Variants in CLSTN2 observed in about 807,000 individuals in gnomAD.
CLSTN2 encodes calsyntenin 2.
In CLSTN2, 48 loss-of-function variants were observed where a neutral mutation model predicts 101.2. The ratio of observed to expected loss-of-function variants is 0.47; its 90% CI spans 0.38 to 0.60. CLSTN2 has a LOEUF of 0.60. Among genes scored for constraint, CLSTN2 ranks in the 20% least tolerant of loss-of-function variants. CLSTN2 has a pLI of 0.00. For synonymous variants in CLSTN2, 481 were observed against 463.6 expected (o/e 1.04, Z -0.48); for missense variants, 1,160 against 1,238.2 (o/e 0.94, Z 0.95).
intron 1 of CLSTN2, among the ~76,000 whole-genome samples, chr3:139,969,585 C>G (rs1935659628): frequency 6.6e-6 from 1 of 152,234 alleles, no homozygotes; most frequent in South Asian, 2.1e-4. Context: ...ACCCACCTGT[C>G]TTTCTAGCCC....
At chr3:140,217,494 TCACCA>T (rs1314139199) in intron 2 of CLSTN2, among the ~76,000 whole-genome samples, 1 of 152,194 alleles carries the variant, frequency 6.6e-6, no homozygotes, top group Non-Finnish European at 1.5e-5. Context: ...TCATTCAACA[TCACCA>T]CATAAAAAAG....
intron 1 of CLSTN2, among the ~76,000 whole-genome samples, chr3:140,172,942 C>T (rs2010262355): frequency 6.6e-6 from 1 of 152,124 alleles, no homozygotes; most frequent in African/African-American, 2.4e-5. Context: ...TGGGTGGGGA[C>T]ATAGAGCCAA....
intron 2 of CLSTN2, among the ~76,000 whole-genome samples, chr3:140,317,477 C>A (rs1393292106): frequency 6.6e-6 from 1 of 152,092 alleles, no homozygotes; most frequent in Non-Finnish European, 1.5e-5. Context: ...GAGGAGTGTG[C>A]CTTCTGTAAA....
At chr3:140,184,818 A>G (rs2010463855) in intron 2 of CLSTN2, among the ~76,000 whole-genome samples, 1 of 152,148 alleles carries the variant, frequency 6.6e-6, no homozygotes, top group Non-Finnish European at 1.5e-5. Flanking sequence ...TTAAAGATCA[A>G]TATTTTGTGA....
intron 1 of CLSTN2, among the ~76,000 whole-genome samples, chr3:140,123,564 C>G (rs1406180230): frequency 6.6e-6 from 1 of 152,120 alleles, no homozygotes. Context: ...GTGGTTCTCA[C>G]ATTCTAATGG....
chr3:139,995,649 G>T (rs1050196252), intron 1 of CLSTN2, among the ~76,000 whole-genome samples: 5 of 152,156 alleles, frequency 3.3e-5, no homozygotes, highest in African/African-American at 1.2e-4. Flanking sequence ...TTGAAGTCTT[G>T]GCAGGTCCAT....
intron 1 of CLSTN2, among the ~76,000 whole-genome samples, chr3:139,959,204 T>C (rs9864420): frequency 0.067 from 10,133 of 152,186 alleles, 399 homozygotes; most frequent in Non-Finnish European, 0.089. Context: ...AGGTCTACTA[T>C]GTGGTCCCAC....
At chr3:140,518,902 G>A (rs970942715) in intron 8 of CLSTN2, among the ~76,000 whole-genome samples, 1 of 152,102 alleles carries the variant, frequency 6.6e-6, no homozygotes, top group African/African-American at 2.4e-5. Flanking sequence ...GTTTGCTCCT[G>A]GTTCTTCTAA....
intron 2 of CLSTN2, among the ~76,000 whole-genome samples, chr3:140,357,313 A>C (rs1311707365): frequency 6.6e-6 from 1 of 152,090 alleles, no homozygotes; most frequent in Admixed American, 6.5e-5. Flanking sequence ...TATGCATCAG[A>C]TGGTTAAAGA....
intron 2 of CLSTN2, among the ~76,000 whole-genome samples, chr3:140,236,217 A>G (rs562035031): frequency 6.6e-6 from 1 of 152,292 alleles, no homozygotes; most frequent in East Asian, 1.9e-4. Flanking sequence ...AAGAATTTTA[A>G]AATAATAATT....
intron 2 of CLSTN2, among the ~76,000 whole-genome samples, chr3:140,331,663 C>T (rs997486435): frequency 2.6e-5 from 4 of 152,196 alleles, no homozygotes. Flanking sequence ...CCTCAGTCAC[C>T]TGGACTTCTG....
intron 1 of CLSTN2, among the ~76,000 whole-genome samples, chr3:139,942,477 C>G (rs1009037376): frequency 6.6e-6 from 1 of 152,090 alleles, no homozygotes; most frequent in African/African-American, 2.4e-5. Context: ...CTTCTGACTC[C>G]GTTTTAGGCC....
chr3:140,148,463 A>G (rs1023975522), intron 1 of CLSTN2, among the ~76,000 whole-genome samples: 7 of 152,230 alleles, frequency 4.6e-5, no homozygotes, highest in Non-Finnish European at 1.5e-5. Context: ...CATATTCCCT[A>G]TCATGGCACT....
chr3:140,208,730 C>T (rs529036303), intron 2 of CLSTN2, among the ~76,000 whole-genome samples: 21 of 152,224 alleles, frequency 1.4e-4, no homozygotes, highest in Admixed American at 1.2e-3. Context: ...TTATTTTACT[C>T]ATCTTTTTTA....
chr3:140,171,465 G>T (rs566170018), intron 1 of CLSTN2, among the ~76,000 whole-genome samples: 1 of 151,554 alleles, frequency 6.6e-6, no homozygotes, highest in East Asian at 1.9e-4. Flanking sequence ...TCCTGGAACA[G>T]CTCTGAACTG....
chr3:140,188,336 C>T (rs563451473), intron 2 of CLSTN2, among the ~76,000 whole-genome samples: 3 of 152,302 alleles, frequency 2.0e-5, no homozygotes, highest in South Asian at 2.1e-4. Context: ...CACACCAGTT[C>T]GCTTAGAAGT....
At chr3:140,552,567 C>T (rs11709223) in intron 10 of CLSTN2, among the ~76,000 whole-genome samples, 414 of 152,244 alleles carry the variant, frequency 2.7e-3, no homozygotes, top group Non-Finnish European at 2.8e-3. Context: ...ACACACTCTC[C>T]TGGTCTCTCT....
At chr3:140,147,400 C>T (rs1394289307) in intron 1 of CLSTN2, among the ~76,000 whole-genome samples, 1 of 152,202 alleles carries the variant, frequency 6.6e-6, no homozygotes, top group Non-Finnish European at 1.5e-5. Flanking sequence ...AGCTCAACTG[C>T]TTACACAGTT....
At chr3:140,475,746 C>T (rs1000903625) in intron 8 of CLSTN2, among the ~76,000 whole-genome samples, 2 of 152,180 alleles carry the variant, frequency 1.3e-5, no homozygotes, top group Non-Finnish European at 2.9e-5. Context: ...TCAGCAATTC[C>T]GTTTGCTTCT....
Sources: gnomAD v4.1 joint callset for allele counts (sites outside exome capture counted in the v4.1 genomes callset) on GRCh38, gnomAD v4.1.1 for gene constraint, MANE v1.5 for transcripts, NCBI Gene and HGNC (gene_info 2026-07-23, HGNC 2026-07-21) for gene names.